Variants in SRPK2 observed in about 807,000 individuals in gnomAD.
SRPK2 encodes SFRS protein kinase 2.
In SRPK2, 21 loss-of-function variants were observed where a neutral mutation model predicts 90.8. The observed-to-expected ratio is 0.23, with a 90% CI of 0.16 to 0.33. The LOEUF (loss-of-function observed/expected upper bound fraction) is 0.33, where lower values mean the gene tolerates loss of function less well. SRPK2 is among the 10% of genes least tolerant of loss of function. The pLI is 1.00. For missense variants in SRPK2, 620 were observed against 869.0 expected, an observed-to-expected ratio of 0.71 and a Z score of 3.60; for synonymous variants, 288 against 311.1, an observed-to-expected ratio of 0.93 and a Z score of 0.78.
At chr7:105,398,930 A>G (rs1374662044) in intron 1 of SRPK2, among the ~76,000 whole-genome samples, 2 of 152,186 alleles carry the variant, frequency 1.3e-5, no homozygotes, top group African/African-American at 4.8e-5. Context: ...TGAGGATTTA[A>G]TGAGTTAATT....
chr7:105,355,030 T>A (rs970959686), intron 2 of SRPK2, among the ~76,000 whole-genome samples: 1 of 152,206 alleles, frequency 6.6e-6, no homozygotes. Flanking sequence ...TTTGATCCAG[T>A]ATAATGTTTT....
intron 7 of SRPK2, among the ~76,000 whole-genome samples, chr7:105,147,493 G>C (rs939120527): frequency 2.0e-5 from 3 of 151,762 alleles, no homozygotes; most frequent in Non-Finnish European, 4.4e-5. Context: ...AATTTTTTTT[G>C]TATTTTTAGT....
At chr7:105,245,336 G>A (rs1309448913) in intron 2 of SRPK2, among the ~76,000 whole-genome samples, 1 of 152,194 alleles carries the variant, frequency 6.6e-6, no homozygotes, top group East Asian at 1.9e-4. Context: ...TCTTCTCAGT[G>A]AGGTCCAGGC....
chr7:105,333,639 T>A (rs997499164), intron 2 of SRPK2, among the ~76,000 whole-genome samples: 1 of 152,172 alleles, frequency 6.6e-6, no homozygotes, highest in Non-Finnish European at 1.5e-5. Context: ...TACTTTCTGC[T>A]CCCTGCTAGT....
intron 2 of SRPK2, among the ~76,000 whole-genome samples, chr7:105,359,488 A>C (rs1818187429): frequency 6.6e-6 from 1 of 152,086 alleles, no homozygotes; most frequent in African/African-American, 2.4e-5. Context: ...GGATCATCAT[A>C]AAGGTCTCCA....
At chr7:105,363,819 T>C (rs1226270145) in intron 2 of SRPK2, among the ~76,000 whole-genome samples, 6 of 152,024 alleles carry the variant, frequency 3.9e-5, no homozygotes, top group African/African-American at 1.4e-4. Context: ...ATTAAGAAAA[T>C]GTGGCACATA....
At chr7:105,345,184 AGAGGG>A (rs375795870) in intron 2 of SRPK2, among the ~76,000 whole-genome samples, 48 of 112,900 alleles carry the variant, frequency 4.3e-4, no homozygotes, top group South Asian at 1.4e-3. Context: ...GGAGGAGAGG[AGAGGG>A]GAGGGGAGGG....
chr7:105,207,279 G>A (rs1351512536), intron 2 of SRPK2, among the ~76,000 whole-genome samples: 2 of 152,194 alleles, frequency 1.3e-5, no homozygotes, highest in Non-Finnish European at 2.9e-5. Context: ...TAGGACTACA[G>A]GTGTGTGCCA....
At chr7:105,298,889 C>T (rs1810186057) in intron 2 of SRPK2, 2 of 659,964 alleles carry the variant, frequency 3.0e-6, no homozygotes, top group Non-Finnish European at 3.8e-6. Flanking sequence ...GCCAACGCCT[C>T]ATACTCTGTT....
intron 2 of SRPK2, among the ~76,000 whole-genome samples, chr7:105,238,671 C>T (rs1344726502): frequency 6.6e-6 from 1 of 152,152 alleles, no homozygotes; most frequent in Non-Finnish European, 1.5e-5. Context: ...TTATTTGGAA[C>T]CCAGAAGCCT....
chr7:105,280,485 G>T (rs1807122517), intron 2 of SRPK2, among the ~76,000 whole-genome samples: 1 of 150,682 alleles, frequency 6.6e-6, no homozygotes, highest in South Asian at 2.1e-4. Context: ...TGCAATTTTT[G>T]CATACAAACA....
intron 2 of SRPK2, chr7:105,205,947 A>ACAT (rs55912019): frequency 1.9e-6 from 1 of 518,906 alleles, no homozygotes; most frequent in Non-Finnish European, 3.8e-6. Context: ...ACACACACAC[A>ACAT]TTGAGTTTGC....
intron 3 of SRPK2, among the ~76,000 whole-genome samples, chr7:105,174,066 G>T (rs1791511615): frequency 6.9e-6 from 1 of 144,920 alleles, no homozygotes; most frequent in African/African-American, 2.5e-5. Context: ...GCAGTACAGT[G>T]AGACCCTGTC....
At chr7:105,129,578 T>G (rs1018012452) in intron 13 of SRPK2, among the ~76,000 whole-genome samples, 1 of 151,968 alleles carries the variant, frequency 6.6e-6, no homozygotes, top group African/African-American at 2.4e-5. Flanking sequence ...TTTTGCCATG[T>G]TGGCCAGGCT....
chr7:105,191,766 C>G (rs1445057999), intron 3 of SRPK2, among the ~76,000 whole-genome samples: 1 of 151,884 alleles, frequency 6.6e-6, no homozygotes, highest in East Asian at 1.9e-4. Flanking sequence ...TGTATCTTCT[C>G]TCTCTTTAAT....
intron 2 of SRPK2, among the ~76,000 whole-genome samples, chr7:105,222,421 A>G (rs1798208535): frequency 6.6e-6 from 1 of 152,264 alleles, no homozygotes; most frequent in African/African-American, 2.4e-5. Context: ...AAGCACTAAA[A>G]TCAAAGGCTT....
intron 2 of SRPK2, among the ~76,000 whole-genome samples, chr7:105,264,204 A>G (rs1265881427): frequency 6.6e-6 from 1 of 152,142 alleles, no homozygotes; most frequent in African/African-American, 2.4e-5. Flanking sequence ...TTCTCTCTTC[A>G]TCTGGTACCT....
intron 2 of SRPK2, among the ~76,000 whole-genome samples, chr7:105,381,528 T>C (rs184113391): frequency 3.0e-4 from 46 of 152,272 alleles, no homozygotes; most frequent in African/African-American, 1.1e-3. Flanking sequence ...ACCTAAATCT[T>C]ACAGTTCTCA....
chr7:105,292,497 C>CAAA (rs397889533), intron 2 of SRPK2, among the ~76,000 whole-genome samples: 9,658 of 74,768 alleles, frequency 0.13, 2,173 homozygotes, highest in South Asian at 0.32. Flanking sequence ...GTAAGACTCT[C>CAAA]AAAAAAAAAA....
Sources: gnomAD v4.1 joint callset for allele counts (sites outside exome capture counted in the v4.1 genomes callset) on GRCh38, gnomAD v4.1.1 for gene constraint, MANE v1.5 for transcripts, NCBI Gene and HGNC (gene_info 2026-07-23, HGNC 2026-07-21) for gene names.